Variants in RBM26 observed in about 807,000 individuals in gnomAD.
The protein encoded by RBM26 is RNA-binding protein 26.
In RBM26, 30 loss-of-function variants were observed where a neutral mutation model predicts 123.6. The observed-to-expected ratio is 0.24, with a 90% CI of 0.18 to 0.33. The LOEUF (loss-of-function observed/expected upper bound fraction) is 0.33, where lower values mean the gene tolerates loss of function less well. RBM26 is among the 10% of genes least tolerant of loss of function. The probability of loss-of-function intolerance (pLI) is 1.00; values close to 1 mark genes in which losing one functional copy is unlikely to be tolerated. For synonymous variants in RBM26, 400 were observed against 404.4 expected (o/e 0.99, Z 0.13); for missense variants, 947 against 1,203.6 (o/e 0.79, Z 3.15).
chr13:79,403,913 A>G (rs1455108028), intron 1 of RBM26, among the ~76,000 whole-genome samples: 1 of 152,182 alleles, frequency 6.6e-6, no homozygotes, highest in African/African-American at 2.4e-5. Flanking sequence ...AGCATTTCAT[A>G]AACTCCTCTC....
intron 9 of RBM26, among the ~76,000 whole-genome samples, chr13:79,363,914 A>G (rs569951878): frequency 6.6e-6 from 1 of 152,198 alleles, no homozygotes; most frequent in East Asian, 1.9e-4. Flanking sequence ...TCCCACTACA[A>G]GGTTCCCAGT....
chr13:79,358,444 A>C lies in RBM26; in HGVS notation c.1530-11T>G. Reference sequence around the variant, plus strand: ...CTATTAAAATTTGGTCTGCAAACAAAATTCAAGTTAGTCAATACATTTATA... The same window carrying C: ...CTATTAAAATTTGGTCTGCAAACAACATTCAAGTTAGTCAATACATTTATA... On this transcript the variant is annotated splice_polypyrimidine_tract_variant and intron_variant, in intron 10 of 21. Coordinates refer to ENST00000438737, the MANE Select transcript of RBM26 (RefSeq NM_001366735.2). 1 of 1,602,544 alleles carries C rather than the reference A, an allele frequency of 6.2e-7. No individual in the cohort carries two copies. The highest frequency in any genetic ancestry group is 8.5e-7 in the Non-Finnish European group (1 of 1,175,550).
intron 3 of RBM26, among the ~76,000 whole-genome samples, 156 bp from the exon 4 acceptor site, chr13:79,372,086 C>T (rs886947008): frequency 6.6e-6 from 1 of 152,124 alleles, no homozygotes; most frequent in Non-Finnish European, 1.5e-5. Flanking sequence ...CGACACCAGC[C>T]TGGCCAACAT....
chr13:79,340,756 C>T (rs963698091), intron 18 of RBM26, among the ~76,000 whole-genome samples: 27 of 151,890 alleles, frequency 1.8e-4, no homozygotes, highest in African/African-American at 6.0e-4. Flanking sequence ...AACTAAAACT[C>T]GCATACAGCA....
chr13:79,349,909 G>A (rs1256427030), intron 14 of RBM26, among the ~76,000 whole-genome samples: 2 of 152,210 alleles, frequency 1.3e-5, no homozygotes, highest in Non-Finnish European at 2.9e-5. Context: ...TATTGGCCAG[G>A]CTGGTCTCGA....
chr13:79,322,087 T>A (rs929917336), intron 21 of RBM26, among the ~76,000 whole-genome samples: 1 of 151,528 alleles, frequency 6.6e-6, no homozygotes, highest in African/African-American at 2.4e-5. Flanking sequence ...GATAAAAATC[T>A]AATGAATAAT....
chr13:79,312,983 C>T (rs1006730145), exon 5 of RBM26: 2 of 151,676 alleles, frequency 1.3e-5, no homozygotes, highest in East Asian at 3.9e-4. Context: ...TTCAGTTGAT[C>T]TGTATTTTGA....
At chr13:79,345,111 A>G (rs2072091515) in intron 14 of RBM26, among the ~76,000 whole-genome samples, 1 of 152,224 alleles carries the variant, frequency 6.6e-6, no homozygotes, top group South Asian at 2.1e-4. Flanking sequence ...GAATACATTT[A>G]CTAATATTTG....
At chr13:79,400,923 C>T (rs192897631) in intron 1 of RBM26, among the ~76,000 whole-genome samples, 1 of 152,290 alleles carries the variant, frequency 6.6e-6, no homozygotes, top group African/African-American at 2.4e-5. Context: ...AAAAGTCTGA[C>T]TACTACTTCA....
intron 1 of RBM26, among the ~76,000 whole-genome samples, chr13:79,402,099 T>C (rs974761324): frequency 1.3e-5 from 2 of 152,070 alleles, no homozygotes; most frequent in Admixed American, 1.3e-4. Context: ...TGTTTTCTGT[T>C]TTTTTTGTTT....
rs2073506611 is a variant in RBM26 at position 79,353,223 on chromosome 13, T to G, written c.1988A>C (p.Asn663Thr). 2 of 1,558,470 alleles carry G rather than the reference T, an allele frequency of 1.3e-6. No homozygotes were observed. Among genetic ancestry groups the G allele is most frequent in the Non-Finnish European group, 1.7e-6 (2 of 1,145,724 alleles). Reference protein sequence around the residue: ...AQSASSDLPQNVTKLSVKDRL... With the variant: ...AQSASSDLPQTVTKLSVKDRL... ...GTCCTTCACAGATAACTTAGTTACATTCTAAAAAAATTAAAATGGACATAT... is the reference window on the plus strand; with the variant it reads ...GTCCTTCACAGATAACTTAGTTACAGTCTAAAAAAATTAAAATGGACATAT... The change falls in exon 14 of 22, where the codon AAT (asparagine) becomes ACT (threonine). Residue 663 changes from asparagine to threonine, a missense_variant and splice_region_variant. Around this residue, in one of 5 missense-constraint regions of RBM26, gnomAD observed 493 missense variants for 563.1 expected, o/e 0.88. Transcript: ENST00000438737.
At chr13:79,312,705 G>A (rs2066927181) in exon 5 of RBM26, 1 of 151,968 alleles carries the variant, frequency 6.6e-6, no homozygotes, top group African/African-American at 2.4e-5. Context: ...ACAAATAAGT[G>A]TAAGGGCATT....
chr13:79,380,144 T>C lies in RBM26; in HGVS notation c.72-1237A>G, dbSNP rs1407722948. ...ACTCACGTGTTCAAAATGACATGTGTACAAGTTATTCATTGTCATATTGAT... is the reference window on the plus strand; with the variant it reads ...ACTCACGTGTTCAAAATGACATGTGCACAAGTTATTCATTGTCATATTGAT... On this transcript the variant is annotated intron_variant, in intron 1 of 21. Transcript: ENST00000438737. Among the ~76,000 whole-genome samples, 4 of 152,194 alleles carry C rather than the reference T, an allele frequency of 2.6e-5. No homozygotes were observed. In the East Asian group the frequency reaches 5.8e-4, roughly 22 times the overall value.
chr13:79,404,940 A>G (rs897414726), intron 1 of RBM26, among the ~76,000 whole-genome samples: 3 of 152,148 alleles, frequency 2.0e-5, no homozygotes, highest in Non-Finnish European at 4.4e-5. Context: ...AATTTTCCCC[A>G]TTGCATTATT....
At chr13:79,366,579 A>G in intron 7 of RBM26, 54 bp downstream of exon 7, 1 of 1,466,426 alleles carries the variant, frequency 6.8e-7, no homozygotes, top group Non-Finnish European at 9.1e-7. Context: ...TTAAGTTTTA[A>G]AAATAGACTA....
rs1593851125 is a variant in RBM26, at chr13:79,319,179, C to T, written c.*1442G>A. ...GAAAAAGAACAGCATCCTTAAGTTA[C>T]TCCACTGGCAGAAGACTATGGTGGT... On this transcript the variant is annotated 3_prime_UTR_variant, in exon 22 of 22. Coordinates refer to ENST00000438737, the MANE Select transcript of RBM26 (RefSeq NM_001366735.2). 1.2e-5 allele frequency: 12 copies of T among 984,614 alleles called. No homozygotes were observed. Among genetic ancestry groups the T allele is most frequent in the Non-Finnish European group, 1.4e-5 (12 of 829,406 alleles). 61.0% of individuals were successfully genotyped at this position (984,614 alleles called of 1,614,324 possible).
At chr13:79,373,309 T>C (rs1237118216) in intron 3 of RBM26, among the ~76,000 whole-genome samples, 1 of 106,920 alleles carries the variant, frequency 9.4e-6, no homozygotes, top group African/African-American at 3.8e-5. Context: ...TATAAAAATA[T>C]AAATAAATAT....
At position 79,322,345 on chromosome 13, in the gene RBM26, A is replaced by G. The variant is rs2067780133; in HGVS notation, c.2934+4T>C. On this transcript the variant is annotated splice_donor_region_variant and intron_variant, in intron 21 of 21. Transcript: ENST00000438737. Reference sequence around the variant, plus strand: ...TAAAAATAAGTGGAAAAAAAATAACATACTTCTTCTTCATCAGGCTCAACT... The same window carrying G: ...TAAAAATAAGTGGAAAAAAAATAACGTACTTCTTCTTCATCAGGCTCAACT... The G allele has an allele frequency of 1.3e-6, 2 of 1,536,896 alleles. No individual in the cohort carries two copies. Among genetic ancestry groups the G allele is most frequent in the Non-Finnish European group, 1.8e-6 (2 of 1,136,812 alleles).
At chr13:79,345,658 T>C (rs1410839609) in intron 14 of RBM26, among the ~76,000 whole-genome samples, 1 of 152,118 alleles carries the variant, frequency 6.6e-6, no homozygotes, top group Non-Finnish European at 1.5e-5. Context: ...ATGAACATGA[T>C]GGTGTCTAAA....
Sources: allele counts gnomAD v4.1 joint callset (sites outside exome capture counted in the v4.1 genomes callset), GRCh38; gene constraint gnomAD v4.1.1; regional missense constraint gnomAD v4.1.1; transcripts MANE v1.5; gene names NCBI Gene and HGNC (gene_info 2026-07-23, HGNC 2026-07-21).